The following SEZ6L variants were observed in gnomAD, a reference collection of about 807,000 sequenced individuals.
SEZ6L encodes the protein seizure related 6 homolog like, also known as seizure 6-like protein.
A neutral mutation model predicts 106.2 loss-of-function variants in SEZ6L; 37 were observed. The ratio of observed to expected loss-of-function variants is 0.35; its 90% CI spans 0.27 to 0.46. SEZ6L has a LOEUF of 0.46. SEZ6L is among the 20% of genes least tolerant of loss of function. The pLI is 1.00. For synonymous variants in SEZ6L, 541 were observed against 570.4 expected (o/e 0.95, Z 0.73); for missense variants, 1,172 against 1,332.8 (o/e 0.88, Z 1.88).
At chr22:26,174,535 A>G (rs1336251763) in intron 1 of SEZ6L, among the ~76,000 whole-genome samples, 1 of 152,218 alleles carries the variant, frequency 6.6e-6, no homozygotes, top group Non-Finnish European at 1.5e-5. Context: ...GCTGTTGTCC[A>G]CTAGAGGTTG....
intron 9 of SEZ6L, among the ~76,000 whole-genome samples, chr22:26,331,574 A>G (rs563581884): frequency 6.6e-6 from 1 of 152,388 alleles, no homozygotes; most frequent in Admixed American, 6.5e-5. Flanking sequence ...TAACTAGATT[A>G]ACACTGATTT....
At chr22:26,298,854 C>T (rs1448944260) in intron 4 of SEZ6L, 130 bp from the exon 5 acceptor site, 2 of 727,844 alleles carry the variant, frequency 2.7e-6, no homozygotes, top group African/African-American at 1.8e-5. Context: ...AAATACCATT[C>T]TCCAGAGCTC....
intron 5 of SEZ6L, among the ~76,000 whole-genome samples, chr22:26,300,002 T>C (rs1475541831): frequency 3.3e-5 from 5 of 152,218 alleles, no homozygotes; most frequent in Non-Finnish European, 5.9e-5. Flanking sequence ...TTCCATGTTG[T>C]TGTTTTTATT....
At chr22:26,296,292 A>G (rs952729251) in intron 3 of SEZ6L, among the ~76,000 whole-genome samples, 1 of 152,200 alleles carries the variant, frequency 6.6e-6, no homozygotes, top group Non-Finnish European at 1.5e-5. Flanking sequence ...GAATAAGAGA[A>G]TGGGCCAGAG....
intron 1 of SEZ6L, among the ~76,000 whole-genome samples, chr22:26,212,107 T>A (rs2078178024): frequency 6.6e-6 from 1 of 152,052 alleles, no homozygotes; most frequent in African/African-American, 2.4e-5. Flanking sequence ...GATGGCAGAT[T>A]TCAGAGGCCT....
At chr22:26,368,672 T>C (rs5761497) in intron 13 of SEZ6L, among the ~76,000 whole-genome samples, 90,652 of 151,882 alleles carry the variant, frequency 0.6, 28,589 homozygotes, top group East Asian at 0.96. Flanking sequence ...CGCACCATTG[T>C]GAATATGCTG....
chr22:26,269,643 A>C (rs1012947489), intron 1 of SEZ6L, among the ~76,000 whole-genome samples: 1 of 152,212 alleles, frequency 6.6e-6, no homozygotes, highest in African/African-American at 2.4e-5. Flanking sequence ...TTTTGCTGCT[A>C]ACGTCTCCCA....
At chr22:26,379,005 C>T (rs1046975607) in intron 16 of SEZ6L, among the ~76,000 whole-genome samples, 1 of 152,150 alleles carries the variant, frequency 6.6e-6, no homozygotes, top group Non-Finnish European at 1.5e-5. Context: ...AGCCTGACCC[C>T]CTGCTTTATG....
chr22:26,171,913 C>T (rs1221862961), intron 1 of SEZ6L, among the ~76,000 whole-genome samples: 1 of 152,000 alleles, frequency 6.6e-6, no homozygotes, highest in Non-Finnish European at 1.5e-5. Flanking sequence ...AGATGGAGAA[C>T]CATTCACCTA....
intron 1 of SEZ6L, among the ~76,000 whole-genome samples, chr22:26,239,272 G>A (rs2079042508): frequency 6.6e-6 from 1 of 152,166 alleles, no homozygotes; most frequent in African/African-American, 2.4e-5. Flanking sequence ...GGGTGGAGTG[G>A]AGAGGGCTGT....
intron 1 of SEZ6L, among the ~76,000 whole-genome samples, chr22:26,193,425 C>G (rs990879487): frequency 6.6e-6 from 1 of 152,190 alleles, no homozygotes; most frequent in Non-Finnish European, 1.5e-5. Context: ...TGTGCCTAGA[C>G]AGACCAATGG....
chr22:26,285,062 G>T (rs2080892527), intron 1 of SEZ6L, among the ~76,000 whole-genome samples: 2 of 152,158 alleles, frequency 1.3e-5, no homozygotes, highest in African/African-American at 4.8e-5. Context: ...CAGGCAGAGG[G>T]TTGCAACTGA....
Position 26,299,081 on chromosome 22 carries a change from C to A in SEZ6L, c.1260C>A (p.His420Gln). ...HSGGVAHFHC[H>Q]LGYELQGAKM... Reference sequence around the variant, plus strand: ...GTGGGGTGGCCCACTTTCACTGCCACCTGGGCTATGAGCTCCAGGGCGCTA... The same window carrying A: ...GTGGGGTGGCCCACTTTCACTGCCAACTGGGCTATGAGCTCCAGGGCGCTA... The change falls in exon 5 of 17, where the codon CAC becomes CAA. Residue 420 changes from histidine (H) to glutamine (Q), a missense_variant. By Grantham distance (24) the His-to-Gln change is conservative. Coordinates refer to ENST00000248933, the MANE Select transcript of SEZ6L (RefSeq NM_021115.5). 6.2e-7 allele frequency: 1 copy of A among 1,608,306 alleles called. No individual in the cohort carries two copies. The highest frequency in any genetic ancestry group is 8.5e-7 in the Non-Finnish European group (1 of 1,177,538).
Position 26,382,177 on chromosome 22 carries a change from T to C in SEZ6L, c.*1882T>C. The C allele has an allele frequency of 2.5e-6, 1 of 396,520 alleles. No individual in the cohort carries two copies. Among genetic ancestry groups the C allele is most frequent in the Non-Finnish European group, 5.0e-6 (1 of 199,782 alleles). 24.6% of individuals were successfully genotyped at this position (396,520 alleles called of 1,614,324 possible). A position where few individuals can be genotyped will look rare whatever the true frequency, so the allele number is the denominator to read the frequency against. On this transcript the variant is annotated 3_prime_UTR_variant, in exon 17 of 17. Transcript: ENST00000248933. ...CTGCTTTCCAGGACCCAAAGCCCCATTTAATGCAAGAACCAGAGAAGTGTT... is the reference window on the plus strand; with the variant it reads ...CTGCTTTCCAGGACCCAAAGCCCCACTTAATGCAAGAACCAGAGAAGTGTT...
chr22:26,252,889 G>C (rs887555478), intron 1 of SEZ6L, among the ~76,000 whole-genome samples: 1 of 152,258 alleles, frequency 6.6e-6, no homozygotes, highest in Non-Finnish European at 1.5e-5. Flanking sequence ...ACATGCAAGT[G>C]CATGTGTCAT....
At chr22:26,257,814 G>A (rs2079873924) in intron 1 of SEZ6L, among the ~76,000 whole-genome samples, 3 of 152,138 alleles carry the variant, frequency 2.0e-5, no homozygotes, top group Admixed American at 6.5e-5. Context: ...AGAAGAACAG[G>A]CATTTAACTC....
chr22:26,351,282 A>G (rs763771855), intron 12 of SEZ6L, 39 bp downstream of exon 12: 13 of 1,582,318 alleles, frequency 8.2e-6, no homozygotes, highest in Non-Finnish European at 1.1e-5. Flanking sequence ...CAGTAGGTAG[A>G]AGCAGATTCA....
chr22:26,231,591 G>A (rs1359901135), intron 1 of SEZ6L, among the ~76,000 whole-genome samples: 1 of 152,204 alleles, frequency 6.6e-6, no homozygotes, highest in South Asian at 2.1e-4. Context: ...ACCACACTGA[G>A]TAATGGCCCT....
intron 13 of SEZ6L, among the ~76,000 whole-genome samples, chr22:26,371,172 T>C (rs1472898774): frequency 6.6e-6 from 1 of 152,210 alleles, no homozygotes; most frequent in East Asian, 1.9e-4. Context: ...GAGACATCAG[T>C]TCTCTTCCAG....
Sources: allele counts gnomAD v4.1 joint callset (sites outside exome capture counted in the v4.1 genomes callset), GRCh38; gene constraint gnomAD v4.1.1; transcripts MANE v1.5; gene names NCBI Gene and HGNC (gene_info 2026-07-23, HGNC 2026-07-21).